AUTS2: variants seen among roughly 807,000 people sequenced by gnomAD.
AUTS2 encodes the protein autism susceptibility gene 2 protein.
AUTS2 carries 17 observed loss-of-function variants against 112.4 expected under a neutral mutation model. The ratio of observed to expected loss-of-function variants is 0.15; its 90% confidence interval spans 0.10 to 0.23. AUTS2 has a LOEUF of 0.23. Ranked by LOEUF, AUTS2 falls within the 10% of genes least tolerant of loss-of-function variation. AUTS2 has a pLI of 1.00. For missense variants in AUTS2, 1,510 were observed against 1,701.6 expected, an observed-to-expected ratio of 0.89 and a Z score of 1.98; for synonymous variants, 751 against 702.7, an observed-to-expected ratio of 1.07 and a Z score of -1.09.
intron 4 of AUTS2, among the ~76,000 whole-genome samples, chr7:70,220,809 A>G (rs1482641303): frequency 6.6e-6 from 1 of 152,178 alleles, no homozygotes; most frequent in African/African-American, 2.4e-5. Flanking sequence ...TCTTTCTTTC[A>G]TGTCTTCTCA....
At chr7:70,378,473 T>C (rs1417538520) in intron 4 of AUTS2, among the ~76,000 whole-genome samples, 1 of 152,238 alleles carries the variant, frequency 6.6e-6, no homozygotes, top group Non-Finnish European at 1.5e-5. Flanking sequence ...GTATTCATGC[T>C]ATGTACCAGG....
At chr7:69,734,049 C>T (rs543751942) in intron 1 of AUTS2, among the ~76,000 whole-genome samples, 1 of 152,218 alleles carries the variant, frequency 6.6e-6, no homozygotes, top group East Asian at 1.9e-4. Context: ...ATGCCAGCTT[C>T]GCTAATATTT....
intron 1 of AUTS2, among the ~76,000 whole-genome samples, chr7:69,741,090 A>G (rs968446339): frequency 1.3e-5 from 2 of 152,122 alleles, no homozygotes; most frequent in Non-Finnish European, 2.9e-5. Context: ...GTAATTTCTC[A>G]TCAACTCTTG....
intron 2 of AUTS2, among the ~76,000 whole-genome samples, chr7:69,965,366 A>G (rs1338497197): frequency 6.6e-6 from 1 of 152,168 alleles, no homozygotes; most frequent in Non-Finnish European, 1.5e-5. Context: ...GTGTCTATGC[A>G]TGGTGCCAAG....
intron 4 of AUTS2, among the ~76,000 whole-genome samples, chr7:70,178,234 T>C (rs1254415123): frequency 1.3e-5 from 2 of 152,192 alleles, no homozygotes; most frequent in African/African-American, 4.8e-5. Flanking sequence ...CATTAGCCAC[T>C]TGTACAGTGT....
At chr7:69,839,558 G>T (rs776130342) in intron 1 of AUTS2, among the ~76,000 whole-genome samples, 2 of 152,042 alleles carry the variant, frequency 1.3e-5, no homozygotes, top group Admixed American at 6.5e-5. Flanking sequence ...GTCTAGTTGG[G>T]GTTGTAGATT....
At chr7:69,849,072 C>T (rs1792342813) in intron 1 of AUTS2, among the ~76,000 whole-genome samples, 1 of 152,150 alleles carries the variant, frequency 6.6e-6, no homozygotes, top group African/African-American at 2.4e-5. Context: ...GTCCCAGCTA[C>T]TGGGGAAGCT....
At chr7:70,108,783 CAAAAAAAAAAAA>C (rs528009205) in intron 2 of AUTS2, among the ~76,000 whole-genome samples, 780 of 69,168 alleles carry the variant, frequency 0.011, 9 homozygotes, top group Non-Finnish European at 0.017. Flanking sequence ...GCCAACATGG[CAAAAAAAAAAAA>C]AAAAAAAAAA....
intron 5 of AUTS2, among the ~76,000 whole-genome samples, chr7:70,687,273 G>C (rs570698224): frequency 4.4e-4 from 67 of 152,172 alleles, no homozygotes; most frequent in Non-Finnish European, 8.5e-4. Flanking sequence ...GCCATGACCA[G>C]GGGAGGCAGA....
chr7:69,634,693 T>G (rs1172700030), intron 1 of AUTS2, among the ~76,000 whole-genome samples: 1 of 152,180 alleles, frequency 6.6e-6, no homozygotes, highest in Non-Finnish European at 1.5e-5. Context: ...CTGGCATCTT[T>G]AAGTATTTCG....
At chr7:70,535,196 A>C (rs992001666) in intron 5 of AUTS2, among the ~76,000 whole-genome samples, 12 of 152,074 alleles carry the variant, frequency 7.9e-5, no homozygotes, top group Non-Finnish European at 1.6e-4. Context: ...AACTGTAACT[A>C]CCTTATGGGA....
At chr7:70,398,605 T>C (rs140008198) in intron 4 of AUTS2, among the ~76,000 whole-genome samples, 25 of 152,302 alleles carry the variant, frequency 1.6e-4, no homozygotes, top group African/African-American at 6.0e-4. Context: ...CATACTATTA[T>C]AGTTCTAGTA....
At chr7:70,337,467 C>T (rs1349603179) in intron 4 of AUTS2, among the ~76,000 whole-genome samples, 3 of 152,106 alleles carry the variant, frequency 2.0e-5, no homozygotes, top group Non-Finnish European at 2.9e-5. Context: ...TTGCTTCTTA[C>T]GTTCTGGAAT....
At chr7:69,802,513 C>G (rs1201876523) in intron 1 of AUTS2, among the ~76,000 whole-genome samples, 1 of 152,144 alleles carries the variant, frequency 6.6e-6, no homozygotes, top group African/African-American at 2.4e-5. Context: ...TCCTGTAACA[C>G]TAACTGTGAA....
chr7:70,264,908 G>A (rs984091273), intron 4 of AUTS2, among the ~76,000 whole-genome samples: 2 of 152,148 alleles, frequency 1.3e-5, no homozygotes, highest in African/African-American at 4.8e-5. Context: ...TCTTTTATAA[G>A]TTTGATTGTG....
At chr7:70,211,757 C>T (rs558293336) in intron 4 of AUTS2, among the ~76,000 whole-genome samples, 1 of 151,970 alleles carries the variant, frequency 6.6e-6, no homozygotes, top group Non-Finnish European at 1.5e-5. Context: ...GAGGCCGAGG[C>T]AGGTGGATCA....
At chr7:70,776,388 A>G (rs1309146176) in intron 13 of AUTS2, among the ~76,000 whole-genome samples, 1 of 152,190 alleles carries the variant, frequency 6.6e-6, no homozygotes, top group Non-Finnish European at 1.5e-5. Flanking sequence ...AAGACATGAA[A>G]TAATTGGGGA....
chr7:69,638,173 C>T lies in AUTS2; in HGVS notation c.309+38211C>T, dbSNP rs564124513. ...AGCTGGGACTACAGGTGCATGCCACCGTGCCTGGCTAATTTTATTTTTTTG... is the reference window on the plus strand; with the variant it reads ...AGCTGGGACTACAGGTGCATGCCACTGTGCCTGGCTAATTTTATTTTTTTG... On this transcript the variant is annotated intron_variant, in intron 1 of 18. Transcript: ENST00000342771. 3.9e-5 allele frequency among the ~76,000 whole-genome samples: 6 copies of T among 152,192 alleles called. No individual in the cohort carries two copies. The East Asian group carries it at 5.8e-4, about 15-fold the overall frequency.
chr7:69,671,792 A>T (rs1796341477), intron 1 of AUTS2, among the ~76,000 whole-genome samples: 1 of 151,386 alleles, frequency 6.6e-6, no homozygotes, highest in South Asian at 2.1e-4. Context: ...TTTTTGTCCT[A>T]TTTTATTTTA....
Sources: allele counts gnomAD v4.1 joint callset (sites outside exome capture counted in the v4.1 genomes callset), GRCh38; gene constraint gnomAD v4.1.1; transcripts MANE v1.5; gene names NCBI Gene and HGNC (gene_info 2026-07-23, HGNC 2026-07-21).